ZNF157: variants seen among roughly 807,000 people sequenced by gnomAD.
ZNF157 encodes the protein zinc finger protein 22.
ZNF157 carries 8 observed loss-of-function variants against 9.4 expected under a neutral mutation model. That is an observed-to-expected ratio of 0.85 (90% CI 0.50 to 1.53). The LOEUF (loss-of-function observed/expected upper bound fraction) is 1.53. ZNF157 is among the 40% of genes most tolerant of loss of function. The pLI is 0.00. For missense variants in ZNF157, 316 were observed against 385.2 expected (o/e 0.82, Z 1.50); for synonymous variants, 120 against 130.8 (o/e 0.92, Z 0.56).
intron 1 of ZNF157, among the ~76,000 whole-genome samples, chrX:47,374,689 C>A (rs1193771362): frequency 2.0e-5 from 2 of 99,316 alleles, no homozygotes; most frequent in Non-Finnish European, 4.0e-5. Flanking sequence ...TGTGAGCCAC[C>A]ACGCCCAGCA....
At chrX:47,391,750 G>A (rs1267833143) in intron 1 of ZNF157, among the ~76,000 whole-genome samples, 3 of 111,593 alleles carry the variant, frequency 2.7e-5, no homozygotes, top group Non-Finnish European at 3.8e-5. Context: ...GGGTTTCACC[G>A]TGTTGGCCAG....
chrX:47,378,522 CTT>C (rs776442916), intron 1 of ZNF157, among the ~76,000 whole-genome samples: 2 of 111,787 alleles, frequency 1.8e-5, no homozygotes, highest in South Asian at 7.5e-4. Context: ...CTGTTATCCT[CTT>C]TGTTTCAACG....
In ZNF157 at chrX:47,412,896, G is replaced by A. The variant is rs1232975698; in HGVS notation, c.823G>A (p.Glu275Lys). 1 of 1,210,206 alleles carries A rather than the reference G, an allele frequency of 8.3e-7. No individual in the cohort carries two copies. Among genetic ancestry groups the A allele is most frequent in the Non-Finnish European group, 1.1e-6 (1 of 895,165 alleles). Residue 275 changes from glutamate (E) to lysine (K), a missense_variant, in exon 4 of 4, where the codon GAA (glutamate) becomes AAA (lysine). Glu to Lys is a moderately conservative substitution (Grantham distance 56). Transcript: ENST00000377073. Reference protein sequence around the residue: ...QRTHTGEKPYECSECGKTFRV... With the variant: ...QRTHTGEKPYKCSECGKTFRV... ...AACTCACACAGGGGAGAAACCCTAT[G>A]AATGTAGTGAATGTGGGAAAACATT...
At chrX:47,389,111 C>T (rs929292749) in intron 1 of ZNF157, among the ~76,000 whole-genome samples, 5 of 111,508 alleles carry the variant, frequency 4.5e-5, no homozygotes, top group Non-Finnish European at 7.5e-5. Context: ...CACACCCGGC[C>T]GGAAACAATA....
chrX:47,373,794 G>A (rs73632337), intron 1 of ZNF157, among the ~76,000 whole-genome samples: 3,592 of 105,873 alleles, frequency 0.034, 182 homozygotes, highest in African/African-American at 0.12. Context: ...TCAGCCTCCC[G>A]GGTTCAAGTG....
At chrX:47,406,671 G>A (rs2055948279) in intron 1 of ZNF157, among the ~76,000 whole-genome samples, 1 of 112,430 alleles carries the variant, frequency 8.9e-6, no homozygotes. Context: ...CACTATGCCC[G>A]GCCGAAACAT....
At chrX:47,376,947 G>A (rs2055846480) in intron 1 of ZNF157, among the ~76,000 whole-genome samples, 1 of 111,586 alleles carries the variant, frequency 9.0e-6, no homozygotes, top group Non-Finnish European at 1.9e-5. Context: ...GGAATAACAA[G>A]TTAGCCACCA....
intron 1 of ZNF157, among the ~76,000 whole-genome samples, chrX:47,390,672 G>A (rs1187899919): frequency 7.1e-5 from 8 of 112,489 alleles, no homozygotes; most frequent in Non-Finnish European, 1.3e-4. Context: ...GCCATTGCAC[G>A]CCAGCCTGGG....
chrX:47,411,951 T>C (rs2055966466), intron 3 of ZNF157, among the ~76,000 whole-genome samples: 1 of 110,655 alleles, frequency 9.0e-6, no homozygotes, highest in South Asian at 3.8e-4. Flanking sequence ...TTTTAGGAAA[T>C]AGAGGGTTTT....
rs10687283 is a variant in ZNF157 at position 47,385,544 on chromosome X, C to CGTGTGTGTGT, written c.72+14833_72+14842dup. On this transcript the variant is annotated intron_variant, in intron 1 of 3. Transcript: ENST00000377073. The stretch of plus-strand genomic sequence containing the variant: ...GTATCAGTGCTGCCCTAAGCGATTC[C>CGTGTGTGTGT]GTGTGTGTGTGTGTGTGTGTGTGTG... Among the ~76,000 whole-genome samples the CGTGTGTGTGT allele has an allele frequency of 8.0e-3, 720 of 90,351 alleles. 1 individual carries two copies. Among genetic ancestry groups the CGTGTGTGTGT allele is most frequent in the Non-Finnish European group, 0.011 (483 of 45,441 alleles). 78.5% of individuals were successfully genotyped at this position (90,351 alleles called of 115,157 possible). A position where few individuals can be genotyped will look rare whatever the true frequency, so the allele number is the denominator to read the frequency against.
chrX:47,378,597 C>T lies in ZNF157; in HGVS notation c.72+7857C>T, dbSNP rs147881049. On this transcript the variant is annotated intron_variant, in intron 1 of 3. Transcript: ENST00000377073. ...GTGGCTCATGCCTGTAATCCCAGCA[C>T]TTAGGCCGACGCAGGCAGATCACCT... is the stretch of plus-strand genomic sequence containing the variant. 5.4e-4 allele frequency among the ~76,000 whole-genome samples: 60 copies of T among 111,980 alleles called. No individual in the cohort carries two copies. In the East Asian group the frequency reaches 0.014, roughly 26 times the overall value.
At chrX:47,373,271 T>C (rs2055834099) in intron 1 of ZNF157, among the ~76,000 whole-genome samples, 1 of 111,333 alleles carries the variant, frequency 9.0e-6, no homozygotes, top group Admixed American at 9.7e-5. Flanking sequence ...GAGCGGCCAC[T>C]GTCTGGGCCG....
At chrX:47,371,948 C>T (rs2055830227) in intron 1 of ZNF157, among the ~76,000 whole-genome samples, 1 of 111,681 alleles carries the variant, frequency 9.0e-6, no homozygotes, top group South Asian at 3.7e-4. Flanking sequence ...CATGGATGTA[C>T]CAAACAGTAT....
At chrX:47,396,759 C>A (rs898818044) in intron 1 of ZNF157, among the ~76,000 whole-genome samples, 1 of 111,157 alleles carries the variant, frequency 9.0e-6, no homozygotes, top group African/African-American at 3.3e-5. Context: ...AAGACATACC[C>A]AAGACTTGGT....
chrX:47,382,509 G>A (rs2055866920), intron 1 of ZNF157, among the ~76,000 whole-genome samples: 1 of 106,384 alleles, frequency 9.4e-6, no homozygotes, highest in Admixed American at 1.0e-4. Context: ...ATGAGCCACC[G>A]CACCCAGCCC....
At chrX:47,371,835 C>T (rs962432096) in intron 1 of ZNF157, among the ~76,000 whole-genome samples, 2 of 111,558 alleles carry the variant, frequency 1.8e-5, no homozygotes, top group African/African-American at 6.5e-5. Context: ...TCTTGAACTC[C>T]TGACCTCGTG....
At chrX:47,398,629 T>C (rs1266293854) in intron 1 of ZNF157, among the ~76,000 whole-genome samples, 4 of 110,925 alleles carry the variant, frequency 3.6e-5, no homozygotes, top group Non-Finnish European at 7.6e-5. Context: ...TGCCTTTGCC[T>C]CCCGAGTAGC....
At chrX:47,398,325 G>A (rs1037937066) in intron 1 of ZNF157, among the ~76,000 whole-genome samples, 4 of 111,311 alleles carry the variant, frequency 3.6e-5, no homozygotes, top group South Asian at 3.7e-4. Context: ...GAGGAACATG[G>A]TGAGACTTGT....
At chrX:47,379,489 C>T (rs772122642) in intron 1 of ZNF157, among the ~76,000 whole-genome samples, 4 of 104,055 alleles carry the variant, frequency 3.8e-5, no homozygotes, top group African/African-American at 7.1e-5. Context: ...GGTGCGATCT[C>T]GGCTCACTGC....
Sources: allele counts gnomAD v4.1 joint callset (sites outside exome capture counted in the v4.1 genomes callset), GRCh38; gene constraint gnomAD v4.1.1; transcripts MANE v1.5; gene names NCBI Gene and HGNC (gene_info 2026-07-23, HGNC 2026-07-21).